The following ABCA2 variants were observed in gnomAD, a reference collection of about 807,000 sequenced individuals.
ABCA2 encodes ATP-binding cassette sub-family A member 2.
In ABCA2, 84 loss-of-function variants were observed where a neutral mutation model predicts 262.8. The ratio of observed to expected loss-of-function variants is 0.32; its 90% CI spans 0.27 to 0.38. The LOEUF (loss-of-function observed/expected upper bound fraction) is 0.38. ABCA2 is among the 10% of genes least tolerant of loss of function. The pLI is 1.00. For synonymous variants in ABCA2, 1,696 were observed against 1,502.9 expected (o/e 1.13, Z -2.97); for missense variants, 2,662 against 3,405.9 (o/e 0.78, Z 5.44).
Position 137,019,250 on chromosome 9 carries a change from G to A in ABCA2, c.1482C>T (p.Leu494=). Residue 494 remains leucine, a synonymous_variant, in exon 11 of 49, where the codon CTC becomes CTT. Transcript: ENST00000341511. The surrounding 1 kb of genome is among the most constrained non-coding windows in gnomAD (Gnocchi z 4.4). ...AGCTGCGGATCTCCGCCGAGATGTTGAGCCAGACCTGGGCATAGTGAGTCA... is the reference window on the plus strand; with the variant it reads ...AGCTGCGGATCTCCGCCGAGATGTTAAGCCAGACCTGGGCATAGTGAGTCA... ...GNVTHYAQVW[L]NISAEIRSFL... 6.2e-7 allele frequency: 1 copy of A among 1,612,692 alleles called. No homozygotes were observed.
chr9:137,014,284 G>A lies in ABCA2; in HGVS notation c.4124C>T (p.Ser1375Leu), dbSNP rs1019353328. ...ELTQSQASLQ[S>L]ASSVGSARGD... ...ACGGGCAGAGCCCACAGATGACGCC[G>A]ACTGCAGCGATGCCTGCGACTGGGT... Residue 1375 changes from serine (S) to leucine (L), a missense_variant, in exon 27 of 49, where the codon TCG (serine) becomes TTG (leucine). Physicochemically the swap from Ser to Leu is moderately radical, Grantham distance 145 (BLOSUM62 -2). This residue lies in a region of ABCA2 where 297 missense variants were observed against 286.5 expected (regional missense o/e 1.04). Transcript: ENST00000341511. 6 of 1,611,302 alleles carry A rather than the reference G, an allele frequency of 3.7e-6. No individual in the cohort carries two copies. The highest frequency in any genetic ancestry group is 1.1e-5 in the South Asian group (1 of 90,780).
Position 137,014,044 on chromosome 9 carries a change from CAG to C in ABCA2, c.4241-8_4241-7del, listed in dbSNP as rs750136868. On this transcript the variant is annotated splice_region_variant and splice_polypyrimidine_tract_variant and intron_variant, in intron 27 of 48. Coordinates refer to ENST00000341511, the MANE Select transcript of ABCA2 (RefSeq NM_001606.5). ...CAGGGCCTCTGCCTCCACCTCTGTG[CAG>C]AGAGGTAGAGGCTGAGCAGGTGGTT... is the stretch of plus-strand genomic sequence containing the variant. 5 of 1,609,834 alleles carry C rather than the reference CAG, an allele frequency of 3.1e-6. No homozygotes were observed. The Admixed American group carries it at 8.3e-5, about 27-fold the overall frequency.
At chr9:137,008,337 C>T (rs752695411) in intron 48 of ABCA2, 79 bp downstream of exon 48, 3 of 1,504,748 alleles carry the variant, frequency 2.0e-6, no homozygotes, top group Non-Finnish European at 1.8e-6. Flanking sequence ...CTCCCCCGAC[C>T]CCACCCGCGG....
At chr9:137,016,825 C>T (rs971879415) in intron 19 of ABCA2, 87 bp from the exon 20 acceptor site, 95 of 1,556,256 alleles carry the variant, frequency 6.1e-5, no homozygotes, top group Non-Finnish European at 7.7e-5. Flanking sequence ...CAGGGAGCCA[C>T]CCGTGCTGCA....
Position 137,014,682 on chromosome 9 carries a change from C to A in ABCA2, c.4003+8G>T. 1 of 1,604,634 alleles carries A rather than the reference C, an allele frequency of 6.2e-7. No individual in the cohort carries two copies. The highest frequency in any genetic ancestry group is 8.5e-7 in the Non-Finnish European group (1 of 1,177,002). ...GGGTGGGCTGAGCAAGTGGTCCAGGCCCCTCACCGGCCTCACTGTTCTCCA... is the reference window on the plus strand; with the variant it reads ...GGGTGGGCTGAGCAAGTGGTCCAGGACCCTCACCGGCCTCACTGTTCTCCA... On this transcript the variant is annotated splice_region_variant and intron_variant, in intron 26 of 48. Coordinates refer to ENST00000341511, the MANE Select transcript of ABCA2 (RefSeq NM_001606.5).
In ABCA2 at chr9:137,022,488, C is replaced by T. The variant is rs1229707217; in HGVS notation, c.440-10G>A. The T allele has an allele frequency of 1.9e-6, 3 of 1,609,248 alleles. No individual in the cohort carries two copies. The highest frequency in any genetic ancestry group is 1.1e-5 in the South Asian group (1 of 90,584). ...AGAGAGAAGGAAGACACTGGACAGG[C>T]AGGAAGGCGAGGCTGAGAGGCCGCT... On this transcript the variant is annotated splice_polypyrimidine_tract_variant and intron_variant, in intron 5 of 48. Coordinates refer to ENST00000341511, the MANE Select transcript of ABCA2 (RefSeq NM_001606.5).
In ABCA2 at chr9:137,021,521, A is replaced by G; in HGVS notation, c.768T>C (p.Ser256=). 1 of 1,602,914 alleles carries G rather than the reference A, an allele frequency of 6.2e-7. No individual in the cohort carries two copies. The change falls in exon 8 of 49, where the codon AGT becomes AGC. Residue 256 remains serine (S), a synonymous_variant. Coordinates refer to ENST00000341511, the MANE Select transcript of ABCA2 (RefSeq NM_001606.5). The surrounding 1 kb of genome is among the most constrained non-coding windows in gnomAD (Gnocchi z 6.0). ...ELGRILTVPE[S]QKGALQGYRD... The stretch of plus-strand genomic sequence containing the variant: ...GGTAGCCCTGCAGGGCTCCCTTCTG[A>G]CTCTCAGGCACAGTGAGGATCCGGC...
Position 137,018,944 on chromosome 9 carries a change from T to C in ABCA2, c.1681A>G (p.Ile561Val), listed in dbSNP as rs1455064909. ...GMALLQQLDTIDNAACGWIQF... is the reference protein window; with the variant it reads ...GMALLQQLDTVDNAACGWIQF... ...ATCCAGCCGCAGGCCGCGTTGTCAA[T>C]GGTATCCAGCTGCTGCAGGAGGGCC... is the stretch of plus-strand genomic sequence containing the variant. Residue 561 changes from isoleucine to valine, a missense_variant, in exon 12 of 49, where the codon ATT becomes GTT. Coordinates refer to ENST00000341511, the MANE Select transcript of ABCA2 (RefSeq NM_001606.5). 1.2e-6 allele frequency: 2 copies of C among 1,612,734 alleles called. No homozygotes were observed. The highest frequency in any genetic ancestry group is 1.7e-6 in the Non-Finnish European group (2 of 1,179,826).
chr9:137,028,873 A>G (rs748560732), upstream of ABCA2: 3 of 1,327,432 alleles, frequency 2.3e-6, no homozygotes, highest in South Asian at 3.6e-5. The surrounding 1 kb of genome is among the most constrained non-coding windows in gnomAD (Gnocchi z 6.9). Context: ...TTCTCCCCAT[A>G]TTCGGGCGAG....
At position 137,014,355 on chromosome 9, in the gene ABCA2, C is replaced by T. The variant is rs541092136; in HGVS notation, c.4053G>A (p.Ala1351=). 53 of 1,601,698 alleles carry T rather than the reference C, an allele frequency of 3.3e-5. No individual in the cohort carries two copies. The highest frequency in any genetic ancestry group is 6.8e-5 in the East Asian group (3 of 44,148). ...KDVLPGAEGP[A]SGEGHAGNLA... Reference sequence around the variant, plus strand: ...GATTGCCAGCGTGACCCTCCCCAGACGCCGGGCCCTCCGCCCCAGGGAGCA... The same window carrying T: ...GATTGCCAGCGTGACCCTCCCCAGATGCCGGGCCCTCCGCCCCAGGGAGCA... The change falls in exon 27 of 49, where the codon GCG becomes GCA. Residue 1351 remains alanine, a synonymous_variant. Coordinates refer to ENST00000341511, the MANE Select transcript of ABCA2 (RefSeq NM_001606.5).
Position 137,016,491 on chromosome 9 carries a change from C to T in ABCA2, c.2924-20G>A, listed in dbSNP as rs1831263639. On this transcript the variant is annotated intron_variant, in intron 20 of 48. Transcript: ENST00000341511. Reference sequence around the variant, plus strand: ...TCTCCTCTGCACCAGGGCTGTGGATCAGCAGGGTGGGGGCGGCGCCAAGGC... The same window carrying T: ...TCTCCTCTGCACCAGGGCTGTGGATTAGCAGGGTGGGGGCGGCGCCAAGGC... 2 of 1,612,502 alleles carry T rather than the reference C, an allele frequency of 1.2e-6. No homozygotes were observed. The highest frequency in any genetic ancestry group is 1.7e-6 in the Non-Finnish European group (2 of 1,179,892).
chr9:137,007,633 G>A lies in ABCA2; in HGVS notation c.*296C>T. ...GGTCCAGCCGGCGTCGCCTTGGGCG[G>A]TGAGCAGTGCCAGGCAGGGGCGAGG... On this transcript the variant is annotated 3_prime_UTR_variant, in exon 49 of 49. Transcript: ENST00000341511. The A allele has an allele frequency of 1.9e-6, 1 of 518,992 alleles. No individual in the cohort carries two copies. Among genetic ancestry groups the A allele is most frequent in the South Asian group, 2.2e-5 (1 of 46,114 alleles). The allele number at this position is 518,992 out of a possible 1,614,324, so 32.1% of individuals were successfully genotyped here. A position where few individuals can be genotyped will look rare whatever the true frequency, so the allele number is the denominator to read the frequency against.
Position 137,023,640 on chromosome 9 carries a change from G to A in ABCA2, c.163+198C>T, listed in dbSNP as rs73564327. On this transcript the variant is annotated intron_variant, in intron 3 of 48. Coordinates refer to ENST00000341511, the MANE Select transcript of ABCA2 (RefSeq NM_001606.5). ...ACCCAGGCACCAGCTGTGCCTTTAG[G>A]TGGCCGGGCCTTTCACTCCCTACCA... The A allele has an allele frequency of 1.2e-3, 803 of 691,518 alleles. 11 individuals are homozygous for A. In the African/African-American group the frequency reaches 0.013, roughly 11 times the overall value. The allele number at this position is 691,518 out of a possible 1,614,324, so 42.8% of individuals were successfully genotyped here.
rs748941494 is a variant in ABCA2 at position 137,016,376 on chromosome 9, C to T, written c.3019G>A (p.Ala1007Thr). The change falls in exon 21 of 49, where the codon GCC (alanine) becomes ACC (threonine). Residue 1007 changes from alanine (A) to threonine (T), a missense_variant. Coordinates refer to ENST00000341511, the MANE Select transcript of ABCA2 (RefSeq NM_001606.5). ...AGGTTCAGGCTCAGCTTGTTCAGGG[C>T]CAGCTTCTTGTCGTCCTTGTAGACC... ...TKVYKDDKKL[A>T]LNKLSLNLYE... 2.5e-6 allele frequency: 4 copies of T among 1,612,930 alleles called. No homozygotes were observed. The highest frequency in any genetic ancestry group is 3.4e-6 in the Non-Finnish European group (4 of 1,179,986).
At position 137,009,354 on chromosome 9, in the gene ABCA2, C is replaced by T; in HGVS notation, c.6827+16G>A. On this transcript the variant is annotated intron_variant, in intron 45 of 48. Transcript: ENST00000341511. ...CGGGCCCGCCCCAGCCCACCCCTGG[C>T]CCTGCCCCGGCTCACCGGTTCTTCA... The T allele has an allele frequency of 9.5e-7, 1 of 1,051,338 alleles. No individual in the cohort carries two copies. Among genetic ancestry groups the T allele is most frequent in the Non-Finnish European group, 1.4e-6 (1 of 713,446 alleles). 65.1% of individuals were successfully genotyped at this position (1,051,338 alleles called of 1,614,324 possible). A position where few individuals can be genotyped will look rare whatever the true frequency, so the allele number is the denominator to read the frequency against.
At position 137,021,026 on chromosome 9, in the gene ABCA2, C is replaced by G. The variant is rs774683582; in HGVS notation, c.933G>C (p.Ser311=). 10 of 1,484,178 alleles carry G rather than the reference C, an allele frequency of 6.7e-6. No individual in the cohort carries two copies. Among genetic ancestry groups the G allele is most frequent in the Non-Finnish European group, 8.1e-6 (9 of 1,115,256 alleles). The allele number at this position is 1,484,178 out of a possible 1,614,324, so 91.9% of individuals were successfully genotyped here. ...GLDAPNGSDS[S]PQAPPPRRLQ... The stretch of plus-strand genomic sequence containing the variant: ...GCCTCCGTGGGGGTGGCGCCTGTGG[C>G]GAGGAGTCCGAGCCGTTGGGGGCAT... The change falls in exon 9 of 49, where the codon TCG becomes TCC. Residue 311 remains serine, a synonymous_variant. Coordinates refer to ENST00000341511, the MANE Select transcript of ABCA2 (RefSeq NM_001606.5). This position sits in a 1 kb window ranked among gnomAD's most constrained non-coding sequence, Gnocchi z 6.0.
In ABCA2 at chr9:137,018,335, G is replaced by C. The variant is rs766915533; in HGVS notation, c.1836C>G (p.Thr612=). 6.3e-7 allele frequency: 1 copy of C among 1,598,736 alleles called. No homozygotes were observed. The highest frequency in any genetic ancestry group is 8.5e-7 in the Non-Finnish European group (1 of 1,176,490). Reference sequence around the variant, plus strand: ...GAGGCGGGAGCGAGCCGTCCTTCCGGGTCTGGAAGATCACACCTGGGGCCG... The same window carrying C: ...GAGGCGGGAGCGAGCCGTCCTTCCGCGTCTGGAAGATCACACCTGGGGCCG... ...VTVFASVIFQ[T]RKDGSLPPHV... The change falls in exon 14 of 49, where the codon ACC becomes ACG. Residue 612 remains threonine, a synonymous_variant. Transcript: ENST00000341511.
At chr9:137,008,121 C>T (rs1260484942) in intron 48 of ABCA2, 157 bp from the exon 49 acceptor site, 14 of 986,020 alleles carry the variant, frequency 1.4e-5, no homozygotes, top group Non-Finnish European at 2.1e-5. Flanking sequence ...TCCCGGGCCT[C>T]CGTCTGCCGA....
chr9:137,017,967 A>C lies in ABCA2; in HGVS notation c.2096+6T>G, dbSNP rs780671520. 1.9e-6 allele frequency: 3 copies of C among 1,612,554 alleles called. No homozygotes were observed. The highest frequency in any genetic ancestry group is 2.5e-6 in the Non-Finnish European group (3 of 1,179,878). On this transcript the variant is annotated splice_donor_region_variant and intron_variant, in intron 15 of 48. Transcript: ENST00000341511. ...CCAGCCCCAGCCCCGGGCGCCCAGC[A>C]CTCACTCATCGCGTGTGTAGCAGGG...
Sources: allele counts gnomAD v4.1 joint callset, GRCh38; gene constraint gnomAD v4.1.1; regional missense constraint gnomAD v4.1.1; non-coding constraint Gnocchi (gnomAD v3.1); transcripts MANE v1.5; gene names NCBI Gene and HGNC (gene_info 2026-07-23, HGNC 2026-07-21).